The following PXDNL variants were observed in gnomAD, a reference collection of about 807,000 sequenced individuals.
The protein encoded by PXDNL is peroxidasin like, also known as probable oxidoreductase PXDNL.
Under a neutral mutation model 150.8 loss-of-function variants are expected in PXDNL, and 145 were observed. The ratio of observed to expected loss-of-function variants is 0.96; its 90% CI spans 0.84 to 1.10. The LOEUF is 1.10. PXDNL is among the 50% of genes least tolerant of loss of function. The pLI is 0.00. For missense variants in PXDNL, 2,087 were observed against 1,873.9 expected, an observed-to-expected ratio of 1.11 and a Z score of -2.10; for synonymous variants, 757 against 725.7, an observed-to-expected ratio of 1.04 and a Z score of -0.69.
Position 51,717,079 on chromosome 8 carries a change from T to A in PXDNL, c.165-62319A>T, listed in dbSNP as rs1332883736. On this transcript the variant is annotated intron_variant, in intron 1 of 22. Coordinates refer to ENST00000356297, the MANE Select transcript of PXDNL (RefSeq NM_144651.5). ...TCAGCAGTGTCAACAGTGACAACGTTTGTGCTTTATTATCCTTAGTATGTG... is the reference window on the plus strand; with the variant it reads ...TCAGCAGTGTCAACAGTGACAACGTATGTGCTTTATTATCCTTAGTATGTG... 4.6e-5 allele frequency among the ~76,000 whole-genome samples: 7 copies of A among 152,338 alleles called. No individual in the cohort carries two copies. The East Asian group carries it at 7.7e-4, about 17-fold the overall frequency.
intron 1 of PXDNL, among the ~76,000 whole-genome samples, chr8:51,749,003 TGTAA>T (rs1202731276): frequency 9.2e-5 from 14 of 152,180 alleles, no homozygotes; most frequent in Admixed American, 1.3e-4. Context: ...GCGTAACTAG[TGTAA>T]GTATGATAGG....
At chr8:51,321,144 G>A in intron 21 of PXDNL, 1 of 350,688 alleles carries the variant, frequency 2.9e-6, no homozygotes. Context: ...GAGTATGAAA[G>A]AGTTAATTTC....
chr8:51,783,350 C>A (rs75315919), intron 1 of PXDNL, among the ~76,000 whole-genome samples: 1 of 152,158 alleles, frequency 6.6e-6, no homozygotes, highest in Non-Finnish European at 1.5e-5. Context: ...GCTGCTGAGT[C>A]GAATAACACG....
At chr8:51,796,032 G>A (rs2037556839) in intron 1 of PXDNL, among the ~76,000 whole-genome samples, 1 of 152,126 alleles carries the variant, frequency 6.6e-6, no homozygotes. Flanking sequence ...TTTACTTAAG[G>A]TAAGGATCAG....
At chr8:51,642,144 G>A (rs1240637479) in intron 2 of PXDNL, among the ~76,000 whole-genome samples, 13 of 150,622 alleles carry the variant, frequency 8.6e-5, no homozygotes, top group Non-Finnish European at 1.6e-4. Context: ...CTCATAGGTG[G>A]GAATTGAACA....
intron 4 of PXDNL, among the ~76,000 whole-genome samples, chr8:51,507,146 G>A (rs1227607478): frequency 6.6e-6 from 1 of 152,122 alleles, no homozygotes; most frequent in Non-Finnish European, 1.5e-5. Flanking sequence ...TAGGTGAGTG[G>A]TCAAATACAA....
Position 51,621,499 on chromosome 8 carries a change from G to A in PXDNL, c.237-28801C>T, listed in dbSNP as rs577395863. Among the ~76,000 whole-genome samples the A allele has an allele frequency of 2.2e-4, 33 of 150,552 alleles. No individual in the cohort carries two copies. The South Asian group carries it at 3.6e-3, about 16-fold the overall frequency. On this transcript the variant is annotated intron_variant, in intron 2 of 22. Transcript: ENST00000356297. ...GTGTGTGTGTGTGTACAGCAAAAGCGTTATATAGTGCAGCAGAAATTCAGA... is the reference window on the plus strand; with the variant it reads ...GTGTGTGTGTGTGTACAGCAAAAGCATTATATAGTGCAGCAGAAATTCAGA...
At chr8:51,660,312 A>G (rs1425389002) in intron 1 of PXDNL, among the ~76,000 whole-genome samples, 1 of 152,220 alleles carries the variant, frequency 6.6e-6, no homozygotes, top group Non-Finnish European at 1.5e-5. Context: ...AATGTCGTTA[A>G]GACATAAAAT....
At chr8:51,742,602 C>A (rs1023522850) in intron 1 of PXDNL, among the ~76,000 whole-genome samples, 1 of 150,920 alleles carries the variant, frequency 6.6e-6, no homozygotes, top group South Asian at 2.1e-4. Flanking sequence ...AAAAGGGGGA[C>A]AAAACATCAA....
At chr8:51,713,336 A>G (rs1816538408) in intron 1 of PXDNL, among the ~76,000 whole-genome samples, 1 of 152,394 alleles carries the variant, frequency 6.6e-6, no homozygotes, top group African/African-American at 2.4e-5. Context: ...TTTTAAATAA[A>G]GGAACTTTAA....
chr8:51,366,753 AGCT>A (rs2130768618), intron 19 of PXDNL, among the ~76,000 whole-genome samples: 1 of 152,284 alleles, frequency 6.6e-6, no homozygotes, highest in East Asian at 1.9e-4. Flanking sequence ...GAAATGCAGC[AGCT>A]ACTTTGTTAC....
intron 3 of PXDNL, among the ~76,000 whole-genome samples, chr8:51,590,227 A>G (rs1390187050): frequency 6.6e-6 from 1 of 152,054 alleles, no homozygotes; most frequent in Non-Finnish European, 1.5e-5. Context: ...AGAATACAAG[A>G]GCTGTGGGAG....
At chr8:51,380,138 A>C (rs75560352) in intron 17 of PXDNL, among the ~76,000 whole-genome samples, 1 of 152,166 alleles carries the variant, frequency 6.6e-6, no homozygotes, top group East Asian at 1.9e-4. Context: ...AAAAAAAAAA[A>C]AATAACAAAA....
rs62506906 is a variant in PXDNL, at chr8:51,452,962, G to A, written c.1249+557C>T. Among the ~76,000 whole-genome samples, 158 of 18,956 alleles carry A rather than the reference G, an allele frequency of 8.3e-3. 2 individuals carry two copies. The highest frequency in any genetic ancestry group is 0.024 in the Middle Eastern group (1 of 42). The allele number at this position is 18,956 out of a possible 152,430, so 12.4% of individuals were successfully genotyped here. ...CACACACACACACACACACATGCAC[G>A]CACACACACCAGAAAGGGGCCACCC... On this transcript the variant is annotated intron_variant, in intron 10 of 22. Coordinates refer to ENST00000356297, the MANE Select transcript of PXDNL (RefSeq NM_144651.5).
intron 1 of PXDNL, among the ~76,000 whole-genome samples, chr8:51,682,292 G>C (rs183045318): frequency 6.6e-6 from 1 of 152,294 alleles, no homozygotes; most frequent in African/African-American, 2.4e-5. Context: ...TTCTGGATAT[G>C]TTTGCTACTG....
chr8:51,604,729 C>T (rs938305395), intron 2 of PXDNL, among the ~76,000 whole-genome samples: 2 of 152,154 alleles, frequency 1.3e-5, no homozygotes, highest in African/African-American at 2.4e-5. Flanking sequence ...TATTTTCAGA[C>T]ATTATTAATT....
chr8:51,441,937 C>T (rs571917275), intron 12 of PXDNL, among the ~76,000 whole-genome samples: 5 of 152,166 alleles, frequency 3.3e-5, no homozygotes, highest in South Asian at 2.1e-4. Flanking sequence ...GGGCTGGCCA[C>T]GCAGAGCACC....
intron 14 of PXDNL, among the ~76,000 whole-genome samples, chr8:51,423,197 G>A (rs1034824515): frequency 6.6e-6 from 1 of 152,066 alleles, no homozygotes; most frequent in African/African-American, 2.4e-5. Flanking sequence ...TTTAAACTGG[G>A]ATTAAATATA....
chr8:51,370,364 G>A (rs1159389146), intron 19 of PXDNL, among the ~76,000 whole-genome samples: 4 of 152,142 alleles, frequency 2.6e-5, no homozygotes, highest in Non-Finnish European at 5.9e-5. Context: ...TGCTCAGCAG[G>A]CCCTATGTCC....
Sources: gnomAD v4.1 joint callset for allele counts (sites outside exome capture counted in the v4.1 genomes callset) on GRCh38, gnomAD v4.1.1 for gene constraint, MANE v1.5 for transcripts, NCBI Gene and HGNC (gene_info 2026-07-23, HGNC 2026-07-21) for gene names.